USH2A: variants seen among roughly 807,000 people sequenced by gnomAD.
USH2A encodes usherin.
A neutral mutation model predicts 538.9 loss-of-function variants in USH2A; 443 were observed. That is an observed-to-expected ratio of 0.82 (90% CI 0.76 to 0.89). USH2A has a LOEUF of 0.89. Among genes scored for constraint, USH2A ranks in the 40% least tolerant of loss-of-function variants. The probability of loss-of-function intolerance (pLI) is 0.00; values close to 1 mark genes in which losing one functional copy is unlikely to be tolerated. For synonymous variants in USH2A, 2,413 were observed against 2,273.5 expected, an observed-to-expected ratio of 1.06 and a Z score of -1.75; for missense variants, 6,633 against 6,324.8, an observed-to-expected ratio of 1.05 and a Z score of -1.65.
At chr1:216,399,676 C>T (rs1438521924) in intron 3 of USH2A, among the ~76,000 whole-genome samples, 1 of 152,086 alleles carries the variant, frequency 6.6e-6, no homozygotes, top group African/African-American at 2.4e-5. Context: ...GTAGTGTGAA[C>T]AAGCAATGAA....
chr1:216,281,865 G>GTTTTTTTTTTTTTT (rs766030449), intron 11 of USH2A, among the ~76,000 whole-genome samples: 5 of 96,472 alleles, frequency 5.2e-5, no homozygotes, highest in African/African-American at 7.9e-5. Flanking sequence ...GTTTTTGTCT[G>GTTTTTTTTTTTTTT]TTTTTTTTTT....
intron 43 of USH2A, 56 bp from the exon 44 acceptor site, chr1:215,867,226 AAC>A: frequency 6.4e-7 from 1 of 1,565,540 alleles, no homozygotes; most frequent in Non-Finnish European, 8.7e-7. Context: ...CAGAAAATCT[AAC>A]AAATAATTTC....
At chr1:215,759,572 C>T (rs1251122145) in intron 57 of USH2A, 88 bp downstream of exon 57, 5 of 1,528,988 alleles carry the variant, frequency 3.3e-6, no homozygotes, top group Non-Finnish European at 4.5e-6. Flanking sequence ...AACAATTTAA[C>T]AACTTTCAGT....
At chr1:215,960,982 T>C (rs2102450432) in intron 37 of USH2A, among the ~76,000 whole-genome samples, 1 of 152,226 alleles carries the variant, frequency 6.6e-6, no homozygotes, top group Non-Finnish European at 1.5e-5. Context: ...ACAGAGATTC[T>C]TCAGGTCCAA....
At chr1:215,959,949 A>G (rs1259945414) in intron 37 of USH2A, among the ~76,000 whole-genome samples, 1 of 152,144 alleles carries the variant, frequency 6.6e-6, no homozygotes, top group Non-Finnish European at 1.5e-5. Flanking sequence ...AACAATTCGC[A>G]GAGGACTCCA....
At chr1:216,388,347 G>A (rs1394366192) in intron 3 of USH2A, among the ~76,000 whole-genome samples, 1 of 151,952 alleles carries the variant, frequency 6.6e-6, no homozygotes, top group African/African-American at 2.4e-5. Flanking sequence ...TCTCTTTCCA[G>A]ATTTCCTCTT....
intron 27 of USH2A, among the ~76,000 whole-genome samples, chr1:216,075,049 AT>A (rs1285957420): frequency 3.3e-5 from 5 of 152,350 alleles, no homozygotes; most frequent in African/African-American, 1.2e-4. Context: ...AAAATTAAAA[AT>A]TTAGCAAAAA....
chr1:215,767,243 T>C (rs558182142), intron 55 of USH2A, among the ~76,000 whole-genome samples: 146 of 152,316 alleles, frequency 9.6e-4, no homozygotes, highest in African/African-American at 3.4e-3. Context: ...TAATTTCTTT[T>C]CCACATGACA....
intron 13 of USH2A, among the ~76,000 whole-genome samples, chr1:216,238,050 T>C (rs1286583117): frequency 6.6e-6 from 1 of 152,214 alleles, no homozygotes; most frequent in Non-Finnish European, 1.5e-5. Context: ...TCCAATTCCA[T>C]TGGCAGGGTC....
intron 3 of USH2A, among the ~76,000 whole-genome samples, chr1:216,370,128 G>A (rs186716269): frequency 6.6e-6 from 1 of 152,092 alleles, no homozygotes; most frequent in Admixed American, 6.5e-5. Flanking sequence ...GGAGGCCGAG[G>A]TGGGCGGATC....
intron 21 of USH2A, among the ~76,000 whole-genome samples, chr1:216,135,212 G>A (rs1039332945): frequency 2.7e-5 from 4 of 149,068 alleles, no homozygotes; most frequent in African/African-American, 1.0e-4. Context: ...ACAATCTTAA[G>A]TGTATATAAA....
intron 3 of USH2A, among the ~76,000 whole-genome samples, chr1:216,389,323 T>C (rs1187920589): frequency 1.3e-5 from 2 of 152,198 alleles, no homozygotes; most frequent in Admixed American, 1.3e-4. Flanking sequence ...TCAGCTGTTA[T>C]TTATAATGTA....
At chr1:215,901,602 G>A (rs1665503707) in intron 38 of USH2A, 1 of 154,374 alleles carries the variant, frequency 6.5e-6, no homozygotes. Flanking sequence ...TTCTAGTCTA[G>A]TTGAGTCTCC....
At position 215,671,169 on chromosome 1, in the gene USH2A, G is replaced by A; in HGVS notation, c.13936C>T (p.Pro4646Ser). ...GAAACAGTTGGCTGGAATCCTCCTGGAGCCATTTGTACCTCCAGATGTGGA... is the reference window on the plus strand; with the variant it reads ...GAAACAGTTGGCTGGAATCCTCCTGAAGCCATTTGTACCTCCAGATGTGGA... ...PPPHLEVQMA[P>S]GGFQPTVSLL... The change falls in exon 64 of 72, where the codon CCA (proline) becomes TCA (serine). Residue 4646 changes from proline to serine, a missense_variant. Pro to Ser is a moderately conservative substitution (Grantham distance 74). Coordinates refer to ENST00000307340, the MANE Select transcript of USH2A (RefSeq NM_206933.4). The A allele has an allele frequency of 3.1e-6, 5 of 1,614,086 alleles. No individual in the cohort carries two copies. Among genetic ancestry groups the A allele is most frequent in the Non-Finnish European group, 3.4e-6 (4 of 1,180,010 alleles).
At chr1:215,963,031 G>C (rs1244777012) in intron 37 of USH2A, among the ~76,000 whole-genome samples, 1 of 152,036 alleles carries the variant, frequency 6.6e-6, no homozygotes, top group African/African-American at 2.4e-5. Context: ...CACTTGCTTT[G>C]AACTAGCTGA....
At chr1:216,204,200 A>G (rs939928077) in intron 16 of USH2A, 2 of 152,584 alleles carry the variant, frequency 1.3e-5, no homozygotes, top group African/African-American at 4.8e-5. Flanking sequence ...CAACACTAAC[A>G]GAAGAGTGCT....
chr1:216,402,327 A>G (rs1242819931), intron 3 of USH2A, among the ~76,000 whole-genome samples: 1 of 152,162 alleles, frequency 6.6e-6, no homozygotes, highest in African/African-American at 2.4e-5. Context: ...TCAAAAAGAA[A>G]GTTGTAAAAG....
chr1:216,036,306 A>G (rs540632403), intron 32 of USH2A, among the ~76,000 whole-genome samples: 1 of 152,232 alleles, frequency 6.6e-6, no homozygotes, highest in African/African-American at 2.4e-5. Flanking sequence ...TCCAAACTGT[A>G]GAGAATTTAA....
intron 64 of USH2A, among the ~76,000 whole-genome samples, chr1:215,653,340 T>C (rs751523578): frequency 1.3e-5 from 2 of 152,216 alleles, no homozygotes; most frequent in Non-Finnish European, 2.9e-5. Flanking sequence ...CCATCACTAA[T>C]AGGGAATGTA....
Sources: gnomAD v4.1 joint callset for allele counts (sites outside exome capture counted in the v4.1 genomes callset) on GRCh38, gnomAD v4.1.1 for gene constraint, MANE v1.5 for transcripts, NCBI Gene and HGNC (gene_info 2026-07-23, HGNC 2026-07-21) for gene names.